The following URB1 variants were observed in gnomAD, a reference collection of about 807,000 sequenced individuals.
URB1 encodes the protein nucleolar pre-ribosomal-associated protein 1.
URB1 carries 197 observed loss-of-function variants against 242.3 expected under a neutral mutation model. The ratio of observed to expected loss-of-function variants is 0.81; its 90% CI spans 0.72 to 0.91. The LOEUF (loss-of-function observed/expected upper bound fraction) is 0.91, where lower values mean the gene tolerates loss of function less well. Ranked by LOEUF, URB1 falls within the 40% of genes least tolerant of loss-of-function variation. The pLI, the probability that URB1 is intolerant of heterozygous loss-of-function variation, is 0.00. For missense variants in URB1, 2,721 were observed against 2,860.5 expected (o/e 0.95, Z 1.11); for synonymous variants, 1,153 against 1,201.8 (o/e 0.96, Z 0.84).
In URB1 at chr21:32,357,544, A is replaced by T; in HGVS notation, c.1982T>A (p.Ile661Asn). Residue 661 changes from isoleucine (I) to asparagine (N), a missense_variant, in exon 15 of 39, where the codon ATC becomes AAC. Ile to Asn is a moderately radical substitution (Grantham distance 149). Coordinates refer to ENST00000382751, the MANE Select transcript of URB1 (RefSeq NM_014825.3). ...CTGGTAGAAAATGCTCACCTTCATG[A>T]TCAGAAGTTTGGTCAATGACTTCAG... ...LQLKSLTKLL[I>N]MKILRDTGVF... The T allele has an allele frequency of 6.6e-7, 1 of 1,515,526 alleles. No homozygotes were observed. Among genetic ancestry groups the T allele is most frequent in the Non-Finnish European group, 8.8e-7 (1 of 1,134,604 alleles). 93.9% of individuals were successfully genotyped at this position (1,515,526 alleles called of 1,614,324 possible).
intron 23 of URB1, 121 bp from the exon 24 acceptor site, chr21:32,344,877 C>G (rs1234830067): frequency 1.7e-6 from 2 of 1,173,886 alleles, no homozygotes; most frequent in East Asian, 5.2e-5. Context: ...CCCACACTAC[C>G]CACTCACAGG....
At chr21:32,341,209 G>A (rs963537206) in intron 25 of URB1, among the ~76,000 whole-genome samples, 4 of 152,218 alleles carry the variant, frequency 2.6e-5, no homozygotes, top group African/African-American at 9.6e-5. Flanking sequence ...TGTATTAAAT[G>A]TGGGGGCTAC....
chr21:32,384,453 T>C lies in URB1; in HGVS notation c.294A>G (p.Ile98Met). The C allele has an allele frequency of 1.3e-6, 2 of 1,550,958 alleles. No individual in the cohort carries two copies. Among genetic ancestry groups the C allele is most frequent in the Non-Finnish European group, 1.7e-6 (2 of 1,146,250 alleles). Residue 98 changes from isoleucine (I) to methionine (M), a missense_variant, in exon 3 of 39, where the codon ATA becomes ATG. Ile to Met is a conservative substitution (Grantham distance 10). Coordinates refer to ENST00000382751, the MANE Select transcript of URB1 (RefSeq NM_014825.3). ...EKRPESETML[I>M]FQVFEAILLR... ...ATAATATGGCCTCGAAAACTTGAAATATTAACATCGTCTGCAAAGACAGAA... is the reference window on the plus strand; with the variant it reads ...ATAATATGGCCTCGAAAACTTGAAACATTAACATCGTCTGCAAAGACAGAA...
intron 5 of URB1, among the ~76,000 whole-genome samples, chr21:32,376,954 G>A (rs923971119): frequency 1.3e-5 from 2 of 152,056 alleles, no homozygotes; most frequent in African/African-American, 4.8e-5. Context: ...GAGCCACGAC[G>A]GCCAGCCTCC....
In URB1 at chr21:32,311,891, C is replaced by T. The variant is rs1379614837; in HGVS notation, c.*3027G>A. On this transcript the variant is annotated 3_prime_UTR_variant, in exon 39 of 39. Coordinates refer to ENST00000382751, the MANE Select transcript of URB1 (RefSeq NM_014825.3). ...CCTTGCCCCTCGGGGGTTTCCAGAC[C>T]CACCCCACTCTCCTCTGGGAACTGA... is the stretch of plus-strand genomic sequence containing the variant. 2 of 1,614,012 alleles carry T rather than the reference C, an allele frequency of 1.2e-6. No individual in the cohort carries two copies. The highest frequency in any genetic ancestry group is 1.7e-6 in the Non-Finnish European group (2 of 1,180,032).
At chr21:32,338,039 A>C (rs1438330490) in intron 26 of URB1, among the ~76,000 whole-genome samples, 2 of 152,176 alleles carry the variant, frequency 1.3e-5, no homozygotes, top group African/African-American at 4.8e-5. Flanking sequence ...TTTTTCTACT[A>C]CCCATACCAG....
rs934315538 is a variant in URB1, at chr21:32,357,622, C to T, written c.1904G>A (p.Arg635Gln). The T allele has an allele frequency of 9.2e-6, 14 of 1,516,068 alleles. No individual in the cohort carries two copies. Among genetic ancestry groups the T allele is most frequent in the African/African-American group, 1.4e-5 (1 of 71,388 alleles). The allele number at this position is 1,516,068 out of a possible 1,614,324, so 93.9% of individuals were successfully genotyped here. A position where few individuals can be genotyped will look rare whatever the true frequency, so the allele number is the denominator to read the frequency against. Residue 635 changes from arginine to glutamine, a missense_variant, in exon 15 of 39, where the codon CGA becomes CAA. By Grantham distance (43) the Arg-to-Gln change is conservative. Transcript: ENST00000382751. ...TTTCATTAGTAAGTAAAATACTGAT[C>T]GTTCACCTCCAATAATTTCTGCATC... is the stretch of plus-strand genomic sequence containing the variant. ...GPDAEIIGGERSVFYLLMKMF... is the reference protein window; with the variant it reads ...GPDAEIIGGEQSVFYLLMKMF...
In URB1 at chr21:32,337,131, C is replaced by T; in HGVS notation, c.4648G>A (p.Ala1550Thr). The change falls in exon 28 of 39, where the codon GCG becomes ACG. Residue 1550 changes from alanine (A) to threonine (T), a missense_variant. Physicochemically the swap from Ala to Thr is moderately conservative, Grantham distance 58 (BLOSUM62 0). Transcript: ENST00000382751. Reference protein sequence around the residue: ...LDQKILLLLRAYEQNKLSLIN... With the variant: ...LDQKILLLLRTYEQNKLSLIN... Reference sequence around the variant, plus strand: ...AGGCTGAGCTTGTTCTGCTCATACGCTCGAAGCAGAAGTAAAATCTTCTGA... The same window carrying T: ...AGGCTGAGCTTGTTCTGCTCATACGTTCGAAGCAGAAGTAAAATCTTCTGA... 1 of 1,551,866 alleles carries T rather than the reference C, an allele frequency of 6.4e-7. No individual in the cohort carries two copies. The highest frequency in any genetic ancestry group is 8.7e-7 in the Non-Finnish European group (1 of 1,147,040).
intron 34 of URB1, 40 bp from the exon 35 acceptor site, chr21:32,320,680 A>C (rs756000323): frequency 7.1e-7 from 1 of 1,399,990 alleles, no homozygotes; most frequent in South Asian, 1.2e-5. Flanking sequence ...CAGTGAGAAA[A>C]CCCACTTTAC....
At chr21:32,391,919 G>C (rs1357217309) in intron 1 of URB1, among the ~76,000 whole-genome samples, 1 of 151,944 alleles carries the variant, frequency 6.6e-6, no homozygotes, top group Non-Finnish European at 1.5e-5. Flanking sequence ...AGCTACTTGG[G>C]AGGCTGAGGT....
chr21:32,378,396 G>A, intron 5 of URB1, 49 bp downstream of exon 5: 1 of 1,510,342 alleles, frequency 6.6e-7, no homozygotes, highest in Admixed American at 2.0e-5. Flanking sequence ...TTTGCAGTAG[G>A]TTTTTCAAAA....
chr21:32,384,169 G>C, intron 3 of URB1, 144 bp downstream of exon 3: 1 of 1,026,716 alleles, frequency 9.7e-7, no homozygotes, highest in Non-Finnish European at 1.4e-6. Flanking sequence ...CAAAGGAAGG[G>C]GGCAGAGACT....
chr21:32,344,378 A>C (rs1206197405), intron 24 of URB1, among the ~76,000 whole-genome samples, 192 bp downstream of exon 24: 1 of 152,212 alleles, frequency 6.6e-6, no homozygotes, highest in East Asian at 1.9e-4. Flanking sequence ...CCAAACATCC[A>C]TTCCTGATAA....
intron 14 of URB1, among the ~76,000 whole-genome samples, chr21:32,359,007 T>C (rs2033255536): frequency 6.6e-6 from 1 of 152,292 alleles, no homozygotes; most frequent in Admixed American, 6.5e-5. Context: ...TCAGCTACGA[T>C]GCAGGGAAGC....
At chr21:32,360,749 G>T (rs569516490) in intron 13 of URB1, among the ~76,000 whole-genome samples, 1 of 152,132 alleles carries the variant, frequency 6.6e-6, no homozygotes, top group African/African-American at 2.4e-5. Flanking sequence ...CGGATTTGTG[G>T]GCCATTCATG....
At chr21:32,363,877 C>T (rs2033316905) in intron 10 of URB1, among the ~76,000 whole-genome samples, 1 of 151,902 alleles carries the variant, frequency 6.6e-6, no homozygotes, top group Admixed American at 6.6e-5. Context: ...CCGGCCTCAA[C>T]CTTCTGGCCT....
intron 8 of URB1, among the ~76,000 whole-genome samples, chr21:32,371,965 A>G (rs892757386): frequency 2.6e-5 from 4 of 151,104 alleles, no homozygotes; most frequent in Admixed American, 2.0e-4. Flanking sequence ...CAAAATGTTA[A>G]AAAAAAAAAC....
At chr21:32,353,602 G>A (rs1035974780) in intron 18 of URB1, among the ~76,000 whole-genome samples, 3 of 152,152 alleles carry the variant, frequency 2.0e-5, no homozygotes, top group Admixed American at 2.0e-4. Context: ...AATCCAACAA[G>A]TATGAAGGAT....
chr21:32,377,335 A>G, intron 5 of URB1: 1 of 508,136 alleles, frequency 2.0e-6, no homozygotes. Context: ...AAGCACCTTA[A>G]AAGTTTTGAT....
Sources: allele counts gnomAD v4.1 joint callset (sites outside exome capture counted in the v4.1 genomes callset), GRCh38; gene constraint gnomAD v4.1.1; transcripts MANE v1.5; gene names NCBI Gene and HGNC (gene_info 2026-07-23, HGNC 2026-07-21).